Variants in USP49 observed in about 807,000 individuals in gnomAD.
USP49 encodes the protein ubiquitin specific peptidase 49, also known as ubiquitin carboxyl-terminal hydrolase 49.
A neutral mutation model predicts 58.6 loss-of-function variants in USP49; 24 were observed. That is an observed-to-expected ratio of 0.41 (90% CI 0.30 to 0.58). The LOEUF (loss-of-function observed/expected upper bound fraction) is 0.58. USP49 is among the 20% of genes least tolerant of loss of function. The probability of loss-of-function intolerance (pLI) is 0.30; values close to 1 mark genes in which losing one functional copy is unlikely to be tolerated. For synonymous variants in USP49, 408 were observed against 365.1 expected, an observed-to-expected ratio of 1.12 and a Z score of -1.34; for missense variants, 703 against 866.1, an observed-to-expected ratio of 0.81 and a Z score of 2.36.
intron 2 of USP49, among the ~76,000 whole-genome samples, chr6:41,879,543 ATGGAGTAAAAGTTCTACCCCTAGATT>A (rs1774566785): frequency 6.6e-6 from 1 of 152,174 alleles, no homozygotes; most frequent in African/African-American, 2.4e-5. Flanking sequence ...AAAAAGGAGA[ATGGAGTAAAAGTTCTACCCCTAGATT>A]GCTGCCCTGT....
At chr6:41,893,332 T>A (rs1774839965) in intron 1 of USP49, among the ~76,000 whole-genome samples, 1 of 152,198 alleles carries the variant, frequency 6.6e-6, no homozygotes, top group Non-Finnish European at 1.5e-5. Flanking sequence ...TGATTTAATC[T>A]CTCCCCCAGT....
chr6:41,797,703 G>C (rs1261209080), intron 7 of USP49: 2 of 985,762 alleles, frequency 2.0e-6, no homozygotes, highest in East Asian at 1.1e-4. Context: ...ATATCTCCTT[G>C]AGGTTACACA....
chr6:41,854,325 A>G (rs1282448125), intron 3 of USP49, among the ~76,000 whole-genome samples: 3 of 151,662 alleles, frequency 2.0e-5, no homozygotes, highest in African/African-American at 7.3e-5. Flanking sequence ...TCAAAAAAAA[A>G]AAAAAAAAAA....
chr6:41,803,503 C>A lies in USP49; in HGVS notation c.1561+303G>T, dbSNP rs1773056550. ...ATTTTTAGTAGAGACAGGGTTTCACCATGTTGGTCAGGCTGGTCTCAAACT... is the reference window on the plus strand; with the variant it reads ...ATTTTTAGTAGAGACAGGGTTTCACAATGTTGGTCAGGCTGGTCTCAAACT... On this transcript the variant is annotated intron_variant, in intron 5 of 7. Transcript: ENST00000682992. This position sits in a 1 kb window ranked among gnomAD's most constrained non-coding sequence, Gnocchi z 4.1. Among the ~76,000 whole-genome samples the A allele has an allele frequency of 6.6e-6, 1 of 152,218 alleles. No individual in the cohort carries two copies. The highest frequency in any genetic ancestry group is 2.1e-4 in the South Asian group (1 of 4,832).
chr6:41,817,397 C>T (rs904893791), intron 3 of USP49, among the ~76,000 whole-genome samples: 2 of 150,386 alleles, frequency 1.3e-5, no homozygotes, highest in South Asian at 2.1e-4. Flanking sequence ...CCACCCGACT[C>T]GGCCTCCCAA....
At chr6:41,893,637 G>C (rs1238015267) in intron 1 of USP49, among the ~76,000 whole-genome samples, 1 of 152,060 alleles carries the variant, frequency 6.6e-6, no homozygotes, top group Non-Finnish European at 1.5e-5. Context: ...AAATGCAGAG[G>C]TTTTCAACAC....
intron 2 of USP49, among the ~76,000 whole-genome samples, chr6:41,875,236 A>G (rs1472741813): frequency 6.6e-6 from 1 of 151,964 alleles, no homozygotes; most frequent in Non-Finnish European, 1.5e-5. Flanking sequence ...ATTTTAATGT[A>G]TATTTTATAT....
At chr6:41,802,491 T>TTTTTTA (rs1773037922) in intron 5 of USP49, among the ~76,000 whole-genome samples, 1 of 126,388 alleles carries the variant, frequency 7.9e-6, no homozygotes. Flanking sequence ...TTTTTTTTTT[T>TTTTTTA]GAGACAGCAT....
chr6:41,887,696 G>C (rs1291973631), intron 2 of USP49, among the ~76,000 whole-genome samples: 8 of 152,202 alleles, frequency 5.3e-5, no homozygotes, highest in Admixed American at 5.2e-4. Flanking sequence ...TCATTTGCCA[G>C]CCCTGGCTGC....
intron 3 of USP49, among the ~76,000 whole-genome samples, chr6:41,853,641 C>T (rs1376569481): frequency 6.6e-6 from 1 of 152,078 alleles, no homozygotes; most frequent in Non-Finnish European, 1.5e-5. Context: ...GAAATAAGTA[C>T]AAAGAACCTG....
At chr6:41,867,110 T>A (rs1034615766) in intron 3 of USP49, among the ~76,000 whole-genome samples, 2 of 152,204 alleles carry the variant, frequency 1.3e-5, no homozygotes, top group African/African-American at 4.8e-5. Context: ...TAACAAGAAG[T>A]GAATTGCTAT....
chr6:41,800,043 T>G lies in USP49; in HGVS notation c.1562-105A>C, dbSNP rs929083755. On this transcript the variant is annotated intron_variant, in intron 5 of 7. Coordinates refer to ENST00000682992, the MANE Select transcript of USP49 (RefSeq NM_001286554.2). Reference sequence around the variant, plus strand: ...AATATGCATTCTCCATATTTCTCAGTATCTGAACCTCAATTTTTTGGGGGG... The same window carrying G: ...AATATGCATTCTCCATATTTCTCAGGATCTGAACCTCAATTTTTTGGGGGG... 6.0e-6 allele frequency: 6 copies of G among 1,001,480 alleles called. No homozygotes were observed. In the Admixed American group the frequency reaches 6.2e-5, roughly 10 times the overall value. 62.0% of individuals were successfully genotyped at this position (1,001,480 alleles called of 1,614,324 possible). A position where few individuals can be genotyped will look rare whatever the true frequency, so the allele number is the denominator to read the frequency against.
At chr6:41,798,539 G>T (rs1269812053) in intron 7 of USP49, 185 bp downstream of exon 7, 1 of 1,488,204 alleles carries the variant, frequency 6.7e-7, no homozygotes, top group Non-Finnish European at 9.0e-7. Context: ...GCCTCCCAAA[G>T]CGCTAGGATT....
intron 3 of USP49, among the ~76,000 whole-genome samples, chr6:41,843,418 C>T (rs569779415): frequency 6.6e-6 from 1 of 151,910 alleles, no homozygotes. Flanking sequence ...TTGCGTATGT[C>T]GGAAAAAAAG....
intron 3 of USP49, among the ~76,000 whole-genome samples, chr6:41,843,387 C>T (rs114979636): frequency 1.5e-3 from 223 of 152,232 alleles, no homozygotes; most frequent in African/African-American, 5.2e-3. Context: ...TGCATCATCA[C>T]GTTGGCTTTG....
chr6:41,838,576 C>T (rs959827973), intron 3 of USP49, among the ~76,000 whole-genome samples: 10 of 152,170 alleles, frequency 6.6e-5, no homozygotes, highest in African/African-American at 1.9e-4. Flanking sequence ...AGGGGGAGAG[C>T]ACCACATCAA....
At chr6:41,853,621 T>C (rs933706164) in intron 3 of USP49, among the ~76,000 whole-genome samples, 4 of 152,132 alleles carry the variant, frequency 2.6e-5, no homozygotes, top group African/African-American at 7.2e-5. Flanking sequence ...CAATCTCATA[T>C]AGAAGATGAG....
At chr6:41,886,923 C>T (rs542951420) in intron 2 of USP49, among the ~76,000 whole-genome samples, 1 of 152,136 alleles carries the variant, frequency 6.6e-6, no homozygotes, top group Non-Finnish European at 1.5e-5. Flanking sequence ...AATCAGTAAA[C>T]CCCTATCTAC....
chr6:41,809,001 C>T (rs542751424), intron 3 of USP49, among the ~76,000 whole-genome samples: 1 of 151,924 alleles, frequency 6.6e-6, no homozygotes, highest in South Asian at 2.1e-4. Context: ...GCAGCCACCA[C>T]TTCCTGGGTT....
Sources: allele counts gnomAD v4.1 joint callset (sites outside exome capture counted in the v4.1 genomes callset), GRCh38; gene constraint gnomAD v4.1.1; non-coding constraint Gnocchi (gnomAD v3.1); transcripts MANE v1.5; gene names NCBI Gene and HGNC (gene_info 2026-07-23, HGNC 2026-07-21).